The following CERS6 variants were observed in gnomAD, a reference collection of about 807,000 sequenced individuals.
The protein encoded by CERS6 is LAG1 homolog, ceramide synthase 6.
In CERS6, 26 loss-of-function variants were observed where a neutral mutation model predicts 56.8. The ratio of observed to expected loss-of-function variants is 0.46; its 90% CI spans 0.34 to 0.63. The LOEUF is 0.63. Among genes scored for constraint, CERS6 ranks in the 30% least tolerant of loss-of-function variants. The pLI is 0.01. For synonymous variants in CERS6, 164 were observed against 173.3 expected, an observed-to-expected ratio of 0.95 and a Z score of 0.42; for missense variants, 415 against 467.5, an observed-to-expected ratio of 0.89 and a Z score of 1.04.
At chr2:168,632,385 A>G (rs1352011854) in intron 4 of CERS6, among the ~76,000 whole-genome samples, 1 of 152,204 alleles carries the variant, frequency 6.6e-6, no homozygotes, top group Non-Finnish European at 1.5e-5. Context: ...GTTATCAAAT[A>G]TTGTCCGCCT....
chr2:168,697,090 G>C (rs542357983), intron 6 of CERS6, among the ~76,000 whole-genome samples: 33 of 152,256 alleles, frequency 2.2e-4, no homozygotes, highest in Admixed American at 6.5e-4. Flanking sequence ...TACTACCCAA[G>C]TCCCCTGTCC....
chr2:168,513,341 T>C (rs556955392), intron 1 of CERS6, among the ~76,000 whole-genome samples: 1 of 152,202 alleles, frequency 6.6e-6, no homozygotes, highest in Non-Finnish European at 1.5e-5. Context: ...AATGTCTTAG[T>C]TTTTACCAGA....
At chr2:168,512,729 A>T (rs74731603) in intron 1 of CERS6, among the ~76,000 whole-genome samples, 3,344 of 148,450 alleles carry the variant, frequency 0.023, 137 homozygotes, top group East Asian at 0.18. Context: ...GTGCAATGGC[A>T]TGATCTTGGC....
chr2:168,485,876 A>C (rs988570287), intron 1 of CERS6, among the ~76,000 whole-genome samples: 1 of 152,182 alleles, frequency 6.6e-6, no homozygotes, highest in Non-Finnish European at 1.5e-5. Context: ...TTTGGCAATC[A>C]TGCAGCTTGA....
intron 3 of CERS6, among the ~76,000 whole-genome samples, chr2:168,614,727 G>C (rs1684274292): frequency 6.6e-6 from 1 of 152,120 alleles, no homozygotes; most frequent in Non-Finnish European, 1.5e-5. Context: ...TCCTGCCCAA[G>C]GAGAGTCAGA....
chr2:168,618,693 A>G (rs1185260360), intron 3 of CERS6, among the ~76,000 whole-genome samples: 1 of 152,236 alleles, frequency 6.6e-6, no homozygotes, highest in Non-Finnish European at 1.5e-5. Context: ...AGACCTCTAC[A>G]AGGAAAACTG....
intron 4 of CERS6, among the ~76,000 whole-genome samples, chr2:168,673,831 G>C (rs1007355547): frequency 3.3e-5 from 5 of 152,150 alleles, no homozygotes; most frequent in African/African-American, 1.2e-4. Flanking sequence ...TGGCTGCTTT[G>C]CACGTGTTTG....
chr2:168,754,913 C>G (rs1188051550), intron 8 of CERS6, among the ~76,000 whole-genome samples: 2 of 152,128 alleles, frequency 1.3e-5, no homozygotes, highest in Non-Finnish European at 2.9e-5. Context: ...GTAGCTGGGA[C>G]TACAGGCATG....
intron 4 of CERS6, among the ~76,000 whole-genome samples, chr2:168,661,777 A>G (rs1031769386): frequency 6.6e-6 from 1 of 152,214 alleles, no homozygotes; most frequent in Admixed American, 6.5e-5. Context: ...AGAAGCATTA[A>G]AGCTGCCTGG....
chr2:168,760,766 A>ATTTTTTTTTTTTT (rs1553517052), intron 8 of CERS6, among the ~76,000 whole-genome samples: 2 of 127,120 alleles, frequency 1.6e-5, no homozygotes, highest in African/African-American at 5.1e-5. Context: ...TTATTTATTT[A>ATTTTTTTTTTTTT]TTTTTTTGAG....
chr2:168,645,733 C>T (rs1685183549), intron 4 of CERS6, among the ~76,000 whole-genome samples: 1 of 152,120 alleles, frequency 6.6e-6, no homozygotes, highest in Non-Finnish European at 1.5e-5. Context: ...TTGTTTCCTT[C>T]CTTGTGTTCA....
intron 3 of CERS6, among the ~76,000 whole-genome samples, chr2:168,620,969 C>T (rs996578879): frequency 6.6e-6 from 1 of 151,974 alleles, no homozygotes; most frequent in Non-Finnish European, 1.5e-5. Context: ...CAGTATGTTG[C>T]CCAGGCTAGT....
intron 8 of CERS6, among the ~76,000 whole-genome samples, chr2:168,748,028 T>A (rs1684158668): frequency 1.3e-5 from 2 of 152,258 alleles, no homozygotes; most frequent in Non-Finnish European, 2.9e-5. Context: ...CTTTGCCCAC[T>A]TTTCTCTTTG....
chr2:168,717,674 C>A (rs531496093), intron 7 of CERS6, among the ~76,000 whole-genome samples, 198 bp from the exon 8 acceptor site: 3 of 152,140 alleles, frequency 2.0e-5, no homozygotes, highest in Non-Finnish European at 4.4e-5. Context: ...CTAATGCTGC[C>A]TTTCACTCAA....
At chr2:168,541,046 C>T (rs886123131) in intron 1 of CERS6, among the ~76,000 whole-genome samples, 1 of 152,172 alleles carries the variant, frequency 6.6e-6, no homozygotes, top group Non-Finnish European at 1.5e-5. Context: ...TGCTTCCACT[C>T]ATGATGGAAG....
chr2:168,671,123 G>C (rs996528161), intron 4 of CERS6, among the ~76,000 whole-genome samples: 6 of 151,718 alleles, frequency 4.0e-5, no homozygotes, highest in Non-Finnish European at 5.9e-5. Context: ...ACCACACCTA[G>C]CTAATTTTTG....
intron 4 of CERS6, among the ~76,000 whole-genome samples, chr2:168,665,241 T>C (rs1400292736): frequency 1.3e-5 from 2 of 152,150 alleles, no homozygotes; most frequent in Non-Finnish European, 2.9e-5. Flanking sequence ...TGTATGAGTC[T>C]CTTAAGGTAT....
chr2:168,544,710 A>G (rs565246602), intron 1 of CERS6, among the ~76,000 whole-genome samples: 7 of 152,094 alleles, frequency 4.6e-5, no homozygotes, highest in Non-Finnish European at 1.0e-4. Flanking sequence ...GAGTCACCAC[A>G]ATTTTATGTC....
rs896813466 is a variant in CERS6, at chr2:168,747,683, T to A, written c.846-17909T>A. On this transcript the variant is annotated intron_variant, in intron 8 of 9. Coordinates refer to ENST00000305747, the MANE Select transcript of CERS6 (RefSeq NM_203463.3). ...TCTCTTTTTTATGTATATTTGATCA[T>A]ATAGTTTAAATATTATCTCTTTTAA... Among the ~76,000 whole-genome samples, 8 of 152,202 alleles carry A rather than the reference T, an allele frequency of 5.3e-5. No individual in the cohort carries two copies. In the East Asian group the frequency reaches 1.5e-3, roughly 29 times the overall value.
Sources: gnomAD v4.1 joint callset for allele counts (sites outside exome capture counted in the v4.1 genomes callset) on GRCh38, gnomAD v4.1.1 for gene constraint, MANE v1.5 for transcripts, NCBI Gene and HGNC (gene_info 2026-07-23, HGNC 2026-07-21) for gene names.